AGPS: variants seen among roughly 807,000 people sequenced by gnomAD.
The protein encoded by AGPS is alkyldihydroxyacetonephosphate synthase, peroxisomal.
Under a neutral mutation model 90.7 loss-of-function variants are expected in AGPS, and 26 were observed. That is an observed-to-expected ratio of 0.29 (90% CI 0.21 to 0.40). The LOEUF is 0.40. Ranked by LOEUF, AGPS falls within the 10% of genes least tolerant of loss-of-function variation. AGPS has a pLI of 1.00. For missense variants in AGPS, 540 were observed against 816.1 expected (o/e 0.66, Z 4.12); for synonymous variants, 294 against 285.3 (o/e 1.03, Z -0.31).
At chr2:177,469,170 TATTTTTC>T (rs1010447505) in intron 10 of AGPS, among the ~76,000 whole-genome samples, 23 of 152,274 alleles carry the variant, frequency 1.5e-4, no homozygotes, top group Middle Eastern at 3.4e-3. Flanking sequence ...AACATGGGCT[TATTTTTC>T]AATTTTTAGG....
At chr2:177,433,632 G>T (rs1574363176) in intron 2 of AGPS, among the ~76,000 whole-genome samples, 1 of 152,286 alleles carries the variant, frequency 6.6e-6, no homozygotes, top group Non-Finnish European at 1.5e-5. Flanking sequence ...TACATGATAT[G>T]ATGTAGGAGC....
In AGPS at chr2:177,482,040, T is replaced by C. The variant is rs750395279; in HGVS notation, c.1106-19T>C. On this transcript the variant is annotated intron_variant, in intron 10 of 19. Transcript: ENST00000264167. ...ATTGTCATGTGATGTACTGGATTAT[T>C]CCCCCTTCTTTTTTTCAGGAACTCT... 1 of 1,587,442 alleles carries C rather than the reference T, an allele frequency of 6.3e-7. No homozygotes were observed.
chr2:177,459,448 C>A (rs540881996), intron 8 of AGPS, among the ~76,000 whole-genome samples: 3 of 152,150 alleles, frequency 2.0e-5, no homozygotes, highest in Non-Finnish European at 2.9e-5. Flanking sequence ...TATCCAGAAT[C>A]TACAAAGAAC....
intron 5 of AGPS, among the ~76,000 whole-genome samples, chr2:177,437,978 T>C (rs10193462): frequency 7.2e-5 from 11 of 152,230 alleles, no homozygotes; most frequent in African/African-American, 2.4e-4. Context: ...GAAATGTCTT[T>C]CATCTCTATT....
At chr2:177,496,677 C>T (rs1472076219) in intron 12 of AGPS, among the ~76,000 whole-genome samples, 1 of 151,916 alleles carries the variant, frequency 6.6e-6, no homozygotes, top group Non-Finnish European at 1.5e-5. Flanking sequence ...TTTTATGTAA[C>T]ACAGTTTCCT....
At chr2:177,525,357 A>T (rs1397531820) in intron 19 of AGPS, among the ~76,000 whole-genome samples, 2 of 152,154 alleles carry the variant, frequency 1.3e-5, no homozygotes, top group Non-Finnish European at 2.9e-5. Flanking sequence ...TATATCATGA[A>T]TTATTCGTTT....
intron 9 of AGPS, among the ~76,000 whole-genome samples, chr2:177,462,844 A>G (rs1687341455): frequency 6.6e-6 from 1 of 152,158 alleles, no homozygotes; most frequent in African/African-American, 2.4e-5. Context: ...CTTGAGTACT[A>G]TGGATTTTGG....
At chr2:177,520,667 A>G (rs1053125627) in intron 17 of AGPS, among the ~76,000 whole-genome samples, 11 of 152,250 alleles carry the variant, frequency 7.2e-5, no homozygotes, top group Admixed American at 5.2e-4. Context: ...TTTGTCTTAT[A>G]CAAGTCACAT....
At chr2:177,416,531 G>T (rs7558208) in intron 1 of AGPS, among the ~76,000 whole-genome samples, 154 of 151,182 alleles carry the variant, frequency 1.0e-3, no homozygotes, top group Non-Finnish European at 1.9e-3. Flanking sequence ...TTTTTGTTTT[G>T]TTTTGTTTTT....
chr2:177,397,049 C>T (rs1685199753), intron 1 of AGPS, among the ~76,000 whole-genome samples: 1 of 151,648 alleles, frequency 6.6e-6, no homozygotes, highest in Non-Finnish European at 1.5e-5. Context: ...AAGCGATTCT[C>T]CTGCCTCAGC....
intron 10 of AGPS, among the ~76,000 whole-genome samples, chr2:177,473,185 TG>T (rs2105682101): frequency 6.6e-6 from 1 of 152,376 alleles, no homozygotes; most frequent in South Asian, 2.1e-4. Context: ...CAGTGTTTTT[TG>T]TTTCCTTGTA....
intron 9 of AGPS, among the ~76,000 whole-genome samples, chr2:177,463,944 A>C (rs552344892): frequency 6.6e-6 from 1 of 151,814 alleles, no homozygotes; most frequent in Admixed American, 6.6e-5. Context: ...ATTTTATTTT[A>C]TTTTGTTTGT....
intron 13 of AGPS, 43 bp from the exon 14 acceptor site, chr2:177,499,575 G>A: frequency 8.0e-7 from 1 of 1,249,648 alleles, no homozygotes; most frequent in Non-Finnish European, 1.2e-6. Context: ...TTGTTTTGTA[G>A]GATAAGACTT....
chr2:177,431,160 G>A (rs901599482), intron 2 of AGPS, among the ~76,000 whole-genome samples: 9 of 152,126 alleles, frequency 5.9e-5, no homozygotes, highest in Admixed American at 3.9e-4. Context: ...CAGCTGGGCC[G>A]CCGGGGGTGA....
At chr2:177,483,875 A>G (rs895525488) in intron 11 of AGPS, among the ~76,000 whole-genome samples, 1 of 152,178 alleles carries the variant, frequency 6.6e-6, no homozygotes, top group South Asian at 2.1e-4. Flanking sequence ...ACTTGTTTCT[A>G]AAATATTCCA....
At chr2:177,405,207 C>T (rs1007237429) in intron 1 of AGPS, among the ~76,000 whole-genome samples, 19 of 152,220 alleles carry the variant, frequency 1.2e-4, no homozygotes, top group Admixed American at 8.5e-4. Context: ...AGGAATTCAG[C>T]CAATAGCACA....
chr2:177,496,738 T>C (rs1051882129), intron 12 of AGPS, among the ~76,000 whole-genome samples: 2 of 152,054 alleles, frequency 1.3e-5, no homozygotes, highest in Non-Finnish European at 2.9e-5. Context: ...GAGATTCTTA[T>C]AAAAAATGGA....
At chr2:177,425,825 T>C (rs1169222833) in intron 2 of AGPS, among the ~76,000 whole-genome samples, 1 of 152,148 alleles carries the variant, frequency 6.6e-6, no homozygotes, top group East Asian at 1.9e-4. Flanking sequence ...TTGGGTAGTG[T>C]GATGCCTCCA....
At chr2:177,430,139 G>T (rs1665324331) in intron 2 of AGPS, among the ~76,000 whole-genome samples, 1 of 152,236 alleles carries the variant, frequency 6.6e-6, no homozygotes. Flanking sequence ...TGGACTGCCT[G>T]GAGCTGGCAG....
Sources: gnomAD v4.1 joint callset for allele counts (sites outside exome capture counted in the v4.1 genomes callset) on GRCh38, gnomAD v4.1.1 for gene constraint, MANE v1.5 for transcripts, NCBI Gene and HGNC (gene_info 2026-07-23, HGNC 2026-07-21) for gene names.